SLC9A7: variants seen among roughly 807,000 people sequenced by gnomAD.
The protein encoded by SLC9A7 is solute carrier family 9 member A7, also known as sodium/hydrogen exchanger 7.
Under a neutral mutation model 52.6 loss-of-function variants are expected in SLC9A7, and 19 were observed. That is an observed-to-expected ratio of 0.36 (90% CI 0.25 to 0.53). The LOEUF (loss-of-function observed/expected upper bound fraction) is 0.53, where lower values mean the gene tolerates loss of function less well. Among genes scored for constraint, SLC9A7 ranks in the 20% least tolerant of loss-of-function variants. SLC9A7 has a pLI of 0.91. For synonymous variants in SLC9A7, 226 were observed against 252.1 expected, an observed-to-expected ratio of 0.90 and a Z score of 0.98; for missense variants, 455 against 597.9, an observed-to-expected ratio of 0.76 and a Z score of 2.49.
At chrX:46,680,177 C>T (rs1354211879) in intron 2 of SLC9A7, among the ~76,000 whole-genome samples, 2 of 109,638 alleles carry the variant, frequency 1.8e-5, no homozygotes, top group African/African-American at 6.6e-5. Context: ...GGTGAAACCC[C>T]ATCTCTACTA....
At chrX:46,755,915 A>G (rs781785280) in intron 1 of SLC9A7, among the ~76,000 whole-genome samples, 1 of 108,834 alleles carries the variant, frequency 9.2e-6, no homozygotes, top group South Asian at 4.0e-4. Flanking sequence ...ACAGCCATCT[A>G]GTTCCTCTCC....
At chrX:46,737,877 A>C (rs1156572668) in intron 1 of SLC9A7, among the ~76,000 whole-genome samples, 2 of 108,781 alleles carry the variant, frequency 1.8e-5, no homozygotes, top group African/African-American at 6.7e-5. Flanking sequence ...ATTAAAAAAA[A>C]ACTAGCAAGT....
chrX:46,623,536 C>T (rs148919946), intron 14 of SLC9A7, among the ~76,000 whole-genome samples: 2 of 111,271 alleles, frequency 1.8e-5, no homozygotes, highest in African/African-American at 6.5e-5. Flanking sequence ...AGCGACATAG[C>T]ACTCCAAGAA....
At chrX:46,757,184 CCT>C (rs781885475) in intron 1 of SLC9A7, among the ~76,000 whole-genome samples, 6 of 112,042 alleles carry the variant, frequency 5.4e-5, no homozygotes, top group South Asian at 7.4e-4. Flanking sequence ...TCAATTCCCC[CCT>C]GTCTGTCTTC....
intron 1 of SLC9A7, among the ~76,000 whole-genome samples, chrX:46,751,408 C>T (rs1922226650): frequency 9.0e-6 from 1 of 111,327 alleles, no homozygotes; most frequent in African/African-American, 3.3e-5. Flanking sequence ...AGGTAGCATG[C>T]TTTAACTAAA....
chrX:46,621,804 A>G (rs1284489167), intron 14 of SLC9A7, among the ~76,000 whole-genome samples: 1 of 112,306 alleles, frequency 8.9e-6, no homozygotes, highest in Non-Finnish European at 1.9e-5. Flanking sequence ...CACAGTTAAT[A>G]TAAAACTCAG....
chrX:46,608,496 G>A (rs6609427), intron 16 of SLC9A7, among the ~76,000 whole-genome samples: 36,877 of 111,143 alleles, frequency 0.33, 5,818 homozygotes, highest in African/African-American at 0.6. Flanking sequence ...ATGAAGCAGG[G>A]TGCAAATGCC....
chrX:46,708,920 A>T (rs1944646372), intron 1 of SLC9A7, among the ~76,000 whole-genome samples: 1 of 111,796 alleles, frequency 8.9e-6, no homozygotes, highest in Admixed American at 9.5e-5. Flanking sequence ...AGAGTCAACA[A>T]CAGGGACAAA....
chrX:46,747,423 G>A (rs2147016679), intron 1 of SLC9A7, among the ~76,000 whole-genome samples: 1 of 111,110 alleles, frequency 9.0e-6, no homozygotes, highest in Non-Finnish European at 1.9e-5. Flanking sequence ...CATCTATTAT[G>A]CATCAATTTT....
intron 15 of SLC9A7, among the ~76,000 whole-genome samples, chrX:46,620,769 G>A (rs1006808143): frequency 1.2e-4 from 14 of 112,347 alleles, no homozygotes; most frequent in Non-Finnish European, 2.3e-4. Context: ...GTTACTCTAA[G>A]GATATGCAAA....
chrX:46,627,216 A>G (rs1427992094), intron 14 of SLC9A7, among the ~76,000 whole-genome samples: 1 of 110,444 alleles, frequency 9.1e-6, no homozygotes, highest in African/African-American at 3.3e-5. Context: ...CAGGAGGCCG[A>G]GGGAGGAGGA....
intron 1 of SLC9A7, among the ~76,000 whole-genome samples, chrX:46,734,845 A>G (rs1201976927): frequency 8.9e-6 from 1 of 112,096 alleles, no homozygotes; most frequent in Non-Finnish European, 1.9e-5. Context: ...AATCACTCCA[A>G]TAAGATCCCT....
At chrX:46,631,313 A>C (rs1344496022) in intron 14 of SLC9A7, among the ~76,000 whole-genome samples, 2 of 112,111 alleles carry the variant, frequency 1.8e-5, no homozygotes, top group Non-Finnish European at 3.8e-5. Flanking sequence ...TCCACTATTG[A>C]AAAGTGGAGA....
intron 1 of SLC9A7, among the ~76,000 whole-genome samples, chrX:46,735,574 T>C (rs753597025): frequency 1.1e-4 from 12 of 112,560 alleles, no homozygotes; most frequent in African/African-American, 3.9e-4. Context: ...TTTCTGACAT[T>C]CTTTGATTCT....
In SLC9A7 at chrX:46,643,292, G is replaced by A. The variant is rs1483139434; in HGVS notation, c.1560C>T (p.Phe520=). The A allele has an allele frequency of 8.3e-7, 1 of 1,209,178 alleles. No individual in the cohort carries two copies. Among genetic ancestry groups the A allele is most frequent in the Non-Finnish European group, 1.1e-6 (1 of 894,538 alleles). ...MFTTTLLIVF[F]TVWIIGGGTT... is the part of the protein sequence containing the mutation. ...TGCCTCCTCCAATGATCCAGACAGT[G>A]AAGAACACAATGAGAAGGGTGGTCG... is the stretch of plus-strand genomic sequence containing the variant. The change falls in exon 12 of 17, where the codon TTC becomes TTT. Residue 520 remains phenylalanine, a synonymous_variant. Coordinates refer to ENST00000616978, the MANE Select transcript of SLC9A7 (RefSeq NM_001257291.2).
intron 1 of SLC9A7, among the ~76,000 whole-genome samples, chrX:46,699,777 A>G (rs1020811588): frequency 9.0e-6 from 1 of 111,246 alleles, no homozygotes; most frequent in African/African-American, 3.3e-5. Context: ...ATGGAGGGGC[A>G]CCCATACGTA....
intron 11 of SLC9A7, among the ~76,000 whole-genome samples, chrX:46,645,697 A>G (rs1461862371): frequency 9.4e-6 from 1 of 106,851 alleles, no homozygotes; most frequent in Non-Finnish European, 1.9e-5. Context: ...TATGCTCAAA[A>G]TGAGTACTGG....
intron 7 of SLC9A7, among the ~76,000 whole-genome samples, chrX:46,658,743 T>C (rs1170749946): frequency 4.5e-5 from 5 of 111,138 alleles, no homozygotes; most frequent in African/African-American, 1.3e-4. Context: ...AGCTTACCAA[T>C]CAAAAAGAGT....
At chrX:46,717,132 T>C (rs1415016444) in intron 1 of SLC9A7, among the ~76,000 whole-genome samples, 2 of 112,371 alleles carry the variant, frequency 1.8e-5, no homozygotes, top group African/African-American at 6.5e-5. Flanking sequence ...TGAAATTGTG[T>C]TACATATTCC....
Sources: allele counts gnomAD v4.1 joint callset (sites outside exome capture counted in the v4.1 genomes callset), GRCh38; gene constraint gnomAD v4.1.1; transcripts MANE v1.5; gene names NCBI Gene and HGNC (gene_info 2026-07-23, HGNC 2026-07-21).